CDNF: variants seen among roughly 807,000 people sequenced by gnomAD.
The protein encoded by CDNF is ARMET-like protein 1.
A neutral mutation model predicts 14.8 loss-of-function variants in CDNF; 9 were observed. The observed-to-expected ratio is 0.61, with a 90% CI of 0.37 to 1.06. The LOEUF (loss-of-function observed/expected upper bound fraction) is 1.06, where lower values mean the gene tolerates loss of function less well. CDNF is among the 50% of genes least tolerant of loss of function. The pLI, the probability that CDNF is intolerant of heterozygous loss-of-function variation, is 0.01. For missense variants in CDNF, 228 were observed against 228.4 expected (o/e 1.00, Z 0.01); for synonymous variants, 86 against 87.2 (o/e 0.99, Z 0.07).
intron 1 of CDNF, among the ~76,000 whole-genome samples, chr10:14,835,281 TGAGAAGAGAGAA>T (rs1177354463): frequency 1.3e-5 from 2 of 151,946 alleles, no homozygotes; most frequent in African/African-American, 2.4e-5. Flanking sequence ...GTGTGTAGAC[TGAGAAGAGAGAA>T]GAGAAGAGAG....
intron 2 of CDNF, among the ~76,000 whole-genome samples, chr10:14,827,052 C>CAAAAAAAAAAAA (rs34308438): frequency 1.3e-5 from 1 of 74,672 alleles, no homozygotes; most frequent in Non-Finnish European, 2.6e-5. Flanking sequence ...CCCGTCTCTA[C>CAAAAAAAAAAAA]AAAAAAAAAA....
At chr10:14,827,650 T>C (rs1055181810) in intron 2 of CDNF, among the ~76,000 whole-genome samples, 1 of 152,188 alleles carries the variant, frequency 6.6e-6, no homozygotes, top group Non-Finnish European at 1.5e-5. Flanking sequence ...CCCAGCACTT[T>C]GGGAGGCTGA....
chr10:14,824,343 C>A (rs911681505), intron 3 of CDNF, among the ~76,000 whole-genome samples: 1 of 152,116 alleles, frequency 6.6e-6, no homozygotes, highest in Admixed American at 6.6e-5. Context: ...TGGTGGCTTA[C>A]GCCTGTCATC....
chr10:14,826,489 A>C (rs1261612675), intron 2 of CDNF, among the ~76,000 whole-genome samples: 1 of 151,612 alleles, frequency 6.6e-6, no homozygotes. Flanking sequence ...GAAAAAGAAG[A>C]AGAAGAAGAA....
intron 2 of CDNF, among the ~76,000 whole-genome samples, chr10:14,826,481 A>AGCAGAAGAAGAAG (rs1482452626): frequency 2.2e-4 from 30 of 138,636 alleles, no homozygotes; most frequent in East Asian, 6.2e-4. Context: ...AAGAAGAAGA[A>AGCAGAAGAAGAAG]AAAGAAGAAG....
At chr10:14,826,083 A>AAGAAGAAGAAGAAGG (rs1564313393) in intron 2 of CDNF, among the ~76,000 whole-genome samples, 1 of 140,116 alleles carries the variant, frequency 7.1e-6, no homozygotes, top group East Asian at 2.1e-4. Flanking sequence ...GAAGAAGAAG[A>AAGAAGAAGAAGAAGG]AGAAGAAGAA....
chr10:14,829,477 G>A (rs1833826050), intron 1 of CDNF, among the ~76,000 whole-genome samples: 1 of 152,144 alleles, frequency 6.6e-6, no homozygotes. Context: ...TACTGAGGAG[G>A]CTAAAATGGG....
At chr10:14,826,086 AAGAAGAAGAAGCAGCAGCAGC>A (rs1564313409) in intron 2 of CDNF, among the ~76,000 whole-genome samples, 1 of 136,040 alleles carries the variant, frequency 7.4e-6, no homozygotes, top group African/African-American at 2.8e-5. Flanking sequence ...GAAGAAGAAG[AAGAAGAAGAAGCAGCAGCAGC>A]AGCAGCAGCA....
chr10:14,825,408 G>C (rs922202423), intron 3 of CDNF, 71 bp downstream of exon 3: 1 of 1,458,990 alleles, frequency 6.9e-7, no homozygotes, highest in Non-Finnish European at 9.3e-7. Context: ...ATTTTTAGAA[G>C]ACATGGCCCC....
intron 1 of CDNF, among the ~76,000 whole-genome samples, chr10:14,834,052 A>G (rs1024606989): frequency 6.6e-6 from 1 of 152,170 alleles, no homozygotes; most frequent in African/African-American, 2.4e-5. Flanking sequence ...AGCAGAAACT[A>G]TCATCAGGCC....
intron 2 of CDNF, among the ~76,000 whole-genome samples, chr10:14,826,724 T>C (rs1345792883): frequency 6.6e-6 from 1 of 152,198 alleles, no homozygotes; most frequent in Non-Finnish European, 1.5e-5. Flanking sequence ...TATTAACTTA[T>C]TTATGTCTCA....
chr10:14,828,302 G>A, intron 1 of CDNF, 30 bp from the exon 2 acceptor site: 2 of 1,609,586 alleles, frequency 1.2e-6, no homozygotes, highest in Non-Finnish European at 1.7e-6. Flanking sequence ...ATGTCTGCAT[G>A]CACAACTTAA....
At position 14,837,975 on chromosome 10, in the gene CDNF, C is replaced by T; in HGVS notation, c.-29G>A. 6.7e-7 allele frequency: 1 copy of T among 1,489,448 alleles called. No homozygotes were observed. Among genetic ancestry groups the T allele is most frequent in the Non-Finnish European group, 9.1e-7 (1 of 1,093,410 alleles). The allele number at this position is 1,489,448 out of a possible 1,614,324, so 92.3% of individuals were successfully genotyped here. A position where few individuals can be genotyped will look rare whatever the true frequency, so the allele number is the denominator to read the frequency against. ...GGGCCAGCAGCTTCAATCGCCTCCG[C>T]CACCCGCGCCCACCGCCCACCAAGC... On this transcript the variant is annotated 5_prime_UTR_variant, in exon 1 of 4. Transcript: ENST00000465530.
chr10:14,827,330 C>CT (rs1833807785), intron 2 of CDNF, among the ~76,000 whole-genome samples: 1 of 152,088 alleles, frequency 6.6e-6, no homozygotes, highest in Non-Finnish European at 1.5e-5. Context: ...AACTGACAAT[C>CT]TGACAATTTT....
chr10:14,837,263 C>G (rs1485114027), intron 1 of CDNF, among the ~76,000 whole-genome samples: 1 of 152,178 alleles, frequency 6.6e-6, no homozygotes, highest in African/African-American at 2.4e-5. Flanking sequence ...CGTATTCTGA[C>G]TGCGAGTTCA....
chr10:14,832,205 A>G (rs1216010780), intron 1 of CDNF, among the ~76,000 whole-genome samples: 1 of 152,234 alleles, frequency 6.6e-6, no homozygotes, highest in Non-Finnish European at 1.5e-5. Context: ...TGGAAGAACA[A>G]TTTAAGTGGA....
intron 1 of CDNF, among the ~76,000 whole-genome samples, chr10:14,829,333 G>T (rs1199849310): frequency 2.6e-5 from 4 of 152,012 alleles, no homozygotes; most frequent in Non-Finnish European, 5.9e-5. Context: ...AAATCAGGCT[G>T]GGCATAGTGG....
At position 14,837,915 on chromosome 10, in the gene CDNF, G is replaced by A; in HGVS notation, c.32C>T (p.Ala11Val). Residue 11 changes from alanine to valine, a missense_variant, in exon 1 of 4, where the codon GCC (alanine) becomes GTC (valine). By Grantham distance (64) the Ala-to-Val change is moderately conservative (BLOSUM62 0). Coordinates refer to ENST00000465530, the MANE Select transcript of CDNF (RefSeq NM_001029954.3). Reference protein sequence around the residue: MWCASPVAVVAFCAGLLVSHP... With the variant: MWCASPVAVVVFCAGLLVSHP... ...AGAGACCAAAAGCCCGGCGCAAAAG[G>A]CCACCACAGCAACTGGGCTCGCGCA... The A allele has an allele frequency of 6.2e-7, 1 of 1,606,288 alleles. No individual in the cohort carries two copies. Among genetic ancestry groups the A allele is most frequent in the Non-Finnish European group, 8.5e-7 (1 of 1,177,932 alleles).
intron 1 of CDNF, among the ~76,000 whole-genome samples, chr10:14,834,726 T>C (rs1833872786): frequency 6.6e-6 from 1 of 151,918 alleles, no homozygotes; most frequent in Admixed American, 6.6e-5. Flanking sequence ...CAAAACAATA[T>C]GAGAAGTGTA....
Sources: allele counts gnomAD v4.1 joint callset (sites outside exome capture counted in the v4.1 genomes callset), GRCh38; gene constraint gnomAD v4.1.1; transcripts MANE v1.5; gene names NCBI Gene and HGNC (gene_info 2026-07-23, HGNC 2026-07-21).